Variants in RUFY3 observed in about 807,000 individuals in gnomAD.
RUFY3 encodes the protein RUN and FYVE domain containing 3.
A neutral mutation model predicts 84.0 loss-of-function variants in RUFY3; 34 were observed. The observed-to-expected ratio is 0.40, with a 90% CI of 0.31 to 0.54. The LOEUF (loss-of-function observed/expected upper bound fraction) is 0.54, where lower values mean the gene tolerates loss of function less well. Among genes scored for constraint, RUFY3 ranks in the 20% least tolerant of loss-of-function variants. RUFY3 has a pLI of 0.39. For missense variants in RUFY3, 507 were observed against 736.8 expected (o/e 0.69, Z 3.61); for synonymous variants, 242 against 252.9 (o/e 0.96, Z 0.41).
At chr4:70,753,160 G>C (rs757825288) in intron 1 of RUFY3, among the ~76,000 whole-genome samples, 1 of 152,102 alleles carries the variant, frequency 6.6e-6, no homozygotes, top group Non-Finnish European at 1.5e-5. Flanking sequence ...ATTTTGTCTA[G>C]ATTATCTAAT....
chr4:70,705,550 C>G (rs887571322), intron 1 of RUFY3, among the ~76,000 whole-genome samples: 1 of 152,188 alleles, frequency 6.6e-6, no homozygotes, highest in Non-Finnish European at 1.5e-5. Flanking sequence ...CTGGCCTGGT[C>G]TCTCTCCCGT....
intron 1 of RUFY3, among the ~76,000 whole-genome samples, chr4:70,746,004 C>T (rs1273003482): frequency 6.6e-5 from 10 of 152,234 alleles, no homozygotes; most frequent in Middle Eastern, 3.4e-3. Flanking sequence ...CACGCCACTG[C>T]ACTCCAGCCT....
chr4:70,710,968 G>C (rs532978623), intron 1 of RUFY3, among the ~76,000 whole-genome samples: 23 of 150,486 alleles, frequency 1.5e-4, no homozygotes, highest in African/African-American at 5.6e-4. Context: ...GGGAAGCTGA[G>C]GCAGGAGAAC....
intron 1 of RUFY3, among the ~76,000 whole-genome samples, chr4:70,758,583 T>C (rs1316770405): frequency 6.6e-6 from 1 of 152,210 alleles, no homozygotes; most frequent in East Asian, 1.9e-4. Context: ...TTTTGATGTG[T>C]AATAATTATA....
intron 10 of RUFY3, among the ~76,000 whole-genome samples, chr4:70,787,187 A>AAAAAAAAAAAAAAAAATAGATATAT (rs1553920475): frequency 1.2e-5 from 1 of 81,476 alleles, no homozygotes; most frequent in African/African-American, 5.2e-5. Flanking sequence ...AAAAAAAAAA[A>AAAAAAAAAAAAAAAAATAGATATAT]ATATATATAT....
At position 70,789,114 on chromosome 4, in the gene RUFY3, A is replaced by G. The variant is rs553475299; in HGVS notation, c.1239+141A>G. The G allele has an allele frequency of 8.4e-5, 118 of 1,412,452 alleles. No homozygotes were observed. The African/African-American group carries it at 1.6e-3, about 19-fold the overall frequency. The allele number at this position is 1,412,452 out of a possible 1,614,324, so 87.5% of individuals were successfully genotyped here. A position where few individuals can be genotyped will look rare whatever the true frequency, so the allele number is the denominator to read the frequency against. On this transcript the variant is annotated intron_variant, in intron 11 of 17. Transcript: ENST00000381006. ...TTTTGATGCTAGCTGCCAGTAAACT[A>G]CTTTCAGAATCAGACAACCATGGGA...
intron 1 of RUFY3, among the ~76,000 whole-genome samples, chr4:70,742,101 AC>A (rs1475456089): frequency 1.5e-5 from 2 of 135,340 alleles, no homozygotes; most frequent in Non-Finnish European, 2.9e-5. Context: ...AACATTACAC[AC>A]TTAAGCTTTG....
rs918520232 is a variant in RUFY3 at position 70,733,088 on chromosome 4, A to G, written c.178+10337A>G. Among the ~76,000 whole-genome samples the G allele has an allele frequency of 2.1e-3, 178 of 85,798 alleles. 2 individuals are homozygous for G. Among genetic ancestry groups the G allele is most frequent in the African/African-American group, 9.8e-3 (176 of 17,886 alleles). The allele number at this position is 85,798 out of a possible 152,430, so 56.3% of individuals were successfully genotyped here. A position where few individuals can be genotyped will look rare whatever the true frequency, so the allele number is the denominator to read the frequency against. On this transcript the variant is annotated intron_variant, in intron 1 of 17. Transcript: ENST00000381006. ...TTTCAAAAGAAAGAGAGAGAGAGAG[A>G]GAGAGAGGAGAGAGAGAGAGAGAGA...
At chr4:70,705,454 C>G (rs1304320607) in intron 1 of RUFY3, among the ~76,000 whole-genome samples, 1 of 152,124 alleles carries the variant, frequency 6.6e-6, no homozygotes, top group African/African-American at 2.4e-5. Flanking sequence ...GCTGTTCTCC[C>G]GAGGCGCCCG....
Position 70,722,715 on chromosome 4 carries a change from A to G in RUFY3, c.142A>G (p.Ile48Val), listed in dbSNP as rs1288067047. ...EWLCLRELDD[I>V]SLTPDPEPTH... ...GCTCTGCCTGCGAGAGCTGGATGAC[A>G]TCTCACTTACACCTGACCCAGAGCC... Residue 48 changes from isoleucine to valine, a missense_variant, in exon 1 of 18, where the codon ATC becomes GTC. Transcript: ENST00000381006. 2.5e-6 allele frequency: 4 copies of G among 1,614,106 alleles called. No homozygotes were observed. Among genetic ancestry groups the G allele is most frequent in the Non-Finnish European group, 3.4e-6 (4 of 1,180,000 alleles).
chr4:70,760,313 T>A (rs1724803752), intron 1 of RUFY3, among the ~76,000 whole-genome samples: 1 of 152,256 alleles, frequency 6.6e-6, no homozygotes, highest in African/African-American at 2.4e-5. Flanking sequence ...AGTCTATCTC[T>A]CACCACATGA....
chr4:70,705,004 G>GGGAGTGGC lies in RUFY3; in HGVS notation c.71_78dup (p.Pro27SerfsTer81). 8.2e-7 allele frequency: 1 copy of GGGAGTGGC among 1,225,146 alleles called. No individual in the cohort carries two copies. Among genetic ancestry groups the GGGAGTGGC allele is most frequent in the Non-Finnish European group, 1.0e-6 (1 of 985,536 alleles). 75.9% of individuals were successfully genotyped at this position (1,225,146 alleles called of 1,614,324 possible). A position where few individuals can be genotyped will look rare whatever the true frequency, so the allele number is the denominator to read the frequency against. On this transcript the variant is annotated frameshift_variant, in exon 1 of 12. Transcript: ENST00000417478. LOFTEE classifies it high-confidence loss of function. The stretch of plus-strand genomic sequence containing the variant: ...TGCAGCGAGGAGCCGGCGAGGGGCG[G>GGGAGTGGC]GGAGTGGCGGCCGGAGGAGCCGCGC...
chr4:70,767,027 G>C (rs1169844314), intron 4 of RUFY3, among the ~76,000 whole-genome samples: 2 of 151,940 alleles, frequency 1.3e-5, no homozygotes, highest in African/African-American at 4.8e-5. Context: ...GGCCTTTTCA[G>C]ACTGGCACCT....
intron 1 of RUFY3, among the ~76,000 whole-genome samples, chr4:70,732,418 A>G (rs1469677670): frequency 1.3e-5 from 2 of 152,210 alleles, no homozygotes; most frequent in Non-Finnish European, 2.9e-5. Context: ...ATCATTTTAA[A>G]AGAAAGGATT....
At chr4:70,741,001 T>A (rs1191460417) in intron 1 of RUFY3, among the ~76,000 whole-genome samples, 1 of 152,210 alleles carries the variant, frequency 6.6e-6, no homozygotes, top group Non-Finnish European at 1.5e-5. Flanking sequence ...TGTGCTTGAT[T>A]GTAGGTTACT....
chr4:70,714,698 T>C (rs1164265164), intron 1 of RUFY3, among the ~76,000 whole-genome samples: 1 of 152,240 alleles, frequency 6.6e-6, no homozygotes. Context: ...TAGGTACTAT[T>C]TTGAGTAGAT....
At chr4:70,716,178 C>G (rs1176208451) in intron 1 of RUFY3, among the ~76,000 whole-genome samples, 2 of 152,044 alleles carry the variant, frequency 1.3e-5, no homozygotes, top group Admixed American at 1.3e-4. Flanking sequence ...CGGAGTCTCT[C>G]TCTCTTGCCC....
chr4:70,768,749 A>G (rs1726422020), intron 5 of RUFY3, 88 bp downstream of exon 5: 2 of 1,238,492 alleles, frequency 1.6e-6, no homozygotes, highest in Non-Finnish European at 1.1e-6. Flanking sequence ...CAACCAAATT[A>G]GGCCATATTC....
chr4:70,805,988 A>G (rs1447763307), intron 17 of RUFY3, among the ~76,000 whole-genome samples: 1 of 152,232 alleles, frequency 6.6e-6, no homozygotes, highest in African/African-American at 2.4e-5. Context: ...CCTATGAACA[A>G]GATGCAGGAA....
Sources: gnomAD v4.1 joint callset for allele counts (sites outside exome capture counted in the v4.1 genomes callset) on GRCh38, gnomAD v4.1.1 for gene constraint, MANE v1.5 for transcripts, NCBI Gene and HGNC (gene_info 2026-07-23, HGNC 2026-07-21) for gene names.